The following GRID2 variants were observed in gnomAD, a reference collection of about 807,000 sequenced individuals.
GRID2 encodes glutamate ionotropic receptor delta type subunit 2.
In GRID2, 33 loss-of-function variants were observed where a neutral mutation model predicts 114.8. The ratio of observed to expected loss-of-function variants is 0.29; its 90% CI spans 0.22 to 0.38. The LOEUF is 0.38. Ranked by LOEUF, GRID2 falls within the 10% of genes least tolerant of loss-of-function variation. GRID2 has a pLI of 1.00. For synonymous variants in GRID2, 505 were observed against 449.9 expected, an observed-to-expected ratio of 1.12 and a Z score of -1.55; for missense variants, 1,184 against 1,257.7, an observed-to-expected ratio of 0.94 and a Z score of 0.89.
At chr4:93,294,814 CCTCT>C (rs1347865838) in intron 8 of GRID2, among the ~76,000 whole-genome samples, 1 of 152,120 alleles carries the variant, frequency 6.6e-6, no homozygotes, top group Non-Finnish European at 1.5e-5. Flanking sequence ...CCCGCCTCAG[CCTCT>C]CTAAGTGCTG....
intron 3 of GRID2, among the ~76,000 whole-genome samples, chr4:93,105,458 T>G (rs1732127013): frequency 6.6e-6 from 1 of 152,214 alleles, no homozygotes. Context: ...GTTTAAGTCT[T>G]TAATCCATCT....
At chr4:92,914,049 G>A (rs1748591507) in intron 2 of GRID2, among the ~76,000 whole-genome samples, 1 of 152,024 alleles carries the variant, frequency 6.6e-6, no homozygotes, top group Admixed American at 6.6e-5. Flanking sequence ...ATATACATGT[G>A]AATTACATTA....
At chr4:92,307,292 G>A (rs1725456911) in intron 1 of GRID2, among the ~76,000 whole-genome samples, 1 of 152,132 alleles carries the variant, frequency 6.6e-6, no homozygotes, top group African/African-American at 2.4e-5. Flanking sequence ...AGGAATGAAT[G>A]TGATGAAACT....
intron 14 of GRID2, among the ~76,000 whole-genome samples, chr4:93,748,024 A>G (rs1246091510): frequency 6.6e-6 from 1 of 152,152 alleles, no homozygotes; most frequent in Non-Finnish European, 1.5e-5. Context: ...TTGGATATAT[A>G]ACATCTAACA....
chr4:92,984,499 C>T (rs1447123511), intron 2 of GRID2, among the ~76,000 whole-genome samples: 1 of 152,202 alleles, frequency 6.6e-6, no homozygotes, highest in Non-Finnish European at 1.5e-5. Context: ...TACAGTTGCT[C>T]CATCATTTGC....
intron 5 of GRID2, among the ~76,000 whole-genome samples, chr4:93,214,712 A>G (rs189044319): frequency 3.5e-4 from 54 of 152,170 alleles, no homozygotes; most frequent in Admixed American, 6.5e-4. Flanking sequence ...TTGGAAACCT[A>G]TAAAAGGTAA....
intron 14 of GRID2, among the ~76,000 whole-genome samples, chr4:93,736,824 A>G (rs1453545526): frequency 6.7e-6 from 1 of 148,946 alleles, no homozygotes; most frequent in Non-Finnish European, 1.5e-5. Context: ...TTTTGTATTT[A>G]TGGTAATCCT....
intron 8 of GRID2, among the ~76,000 whole-genome samples, chr4:93,350,698 T>C (rs1328599853): frequency 6.6e-6 from 1 of 152,014 alleles, no homozygotes; most frequent in African/African-American, 2.4e-5. Context: ...TAGGGGCTAA[T>C]AAGTCTTTTT....
intron 2 of GRID2, among the ~76,000 whole-genome samples, chr4:92,961,943 G>A (rs1578613518): frequency 6.6e-6 from 1 of 151,396 alleles, no homozygotes; most frequent in Non-Finnish European, 1.5e-5. Context: ...AACCATGACC[G>A]ATCTACTAAT....
chr4:92,907,828 A>C (rs187039222), intron 2 of GRID2, among the ~76,000 whole-genome samples: 61 of 152,192 alleles, frequency 4.0e-4, no homozygotes, highest in African/African-American at 1.3e-3. Context: ...GTTCGAGACC[A>C]GCCTGACCAA....
intron 4 of GRID2, among the ~76,000 whole-genome samples, chr4:93,127,963 G>A (rs1734426020): frequency 1.5e-5 from 2 of 135,126 alleles, no homozygotes; most frequent in African/African-American, 5.5e-5. Context: ...CAAGGTTATA[G>A]TGAGCTATGA....
intron 13 of GRID2, among the ~76,000 whole-genome samples, chr4:93,526,232 C>T (rs1456254777): frequency 6.6e-6 from 1 of 152,074 alleles, no homozygotes; most frequent in East Asian, 1.9e-4. Flanking sequence ...GATATTTCCT[C>T]GATTTCACAC....
chr4:92,647,937 G>A (rs1034998275), intron 2 of GRID2, among the ~76,000 whole-genome samples: 3 of 149,510 alleles, frequency 2.0e-5, no homozygotes, highest in Admixed American at 1.3e-4. Flanking sequence ...TGATATGTTC[G>A]ATTTGGAAGA....
chr4:93,121,594 T>C (rs754320610), intron 4 of GRID2, among the ~76,000 whole-genome samples: 4 of 152,172 alleles, frequency 2.6e-5, no homozygotes, highest in East Asian at 1.9e-4. Context: ...TCATTACAGA[T>C]AGGGGTTCTA....
intron 14 of GRID2, among the ~76,000 whole-genome samples, chr4:93,705,286 C>G (rs1408838072): frequency 6.6e-6 from 1 of 151,266 alleles, no homozygotes; most frequent in Non-Finnish European, 1.5e-5. Flanking sequence ...GATCTTTTGC[C>G]TAGTTTTTGT....
chr4:92,912,291 A>G (rs1411028596), intron 2 of GRID2, among the ~76,000 whole-genome samples: 1 of 151,886 alleles, frequency 6.6e-6, no homozygotes, highest in Non-Finnish European at 1.5e-5. Context: ...AAAAAGGTCA[A>G]GAAGCTAAAC....
chr4:92,313,187 A>G (rs1414737262), intron 1 of GRID2, among the ~76,000 whole-genome samples: 2 of 151,858 alleles, frequency 1.3e-5, no homozygotes, highest in African/African-American at 4.8e-5. Flanking sequence ...AATGACTTGG[A>G]TGAGATTAGA....
At chr4:93,736,591 T>C (rs1650588506) in intron 14 of GRID2, among the ~76,000 whole-genome samples, 1 of 152,056 alleles carries the variant, frequency 6.6e-6, no homozygotes, top group South Asian at 2.1e-4. Flanking sequence ...TCTTTTAAGT[T>C]GTATTGGTAG....
At chr4:93,061,252 TA>T (rs1368727017) in intron 2 of GRID2, among the ~76,000 whole-genome samples, 1 of 149,286 alleles carries the variant, frequency 6.7e-6, no homozygotes, top group Non-Finnish European at 1.5e-5. Context: ...GGGGTTACAA[TA>T]AAATTATTTT....
Sources: allele counts gnomAD v4.1 joint callset (sites outside exome capture counted in the v4.1 genomes callset), GRCh38; gene constraint gnomAD v4.1.1; transcripts MANE v1.5; gene names NCBI Gene and HGNC (gene_info 2026-07-23, HGNC 2026-07-21).